MYH15: variants seen among roughly 807,000 people sequenced by gnomAD.
MYH15 encodes the protein myosin-15.
A neutral mutation model predicts 240.5 loss-of-function variants in MYH15; 227 were observed. That is an observed-to-expected ratio of 0.94 (90% CI 0.85 to 1.05). The LOEUF (loss-of-function observed/expected upper bound fraction) is 1.05. MYH15 is among the 50% of genes least tolerant of loss of function. MYH15 has a pLI of 0.00. For missense variants in MYH15, 2,217 were observed against 2,247.5 expected, an observed-to-expected ratio of 0.99 and a Z score of 0.27; for synonymous variants, 785 against 796.7, an observed-to-expected ratio of 0.99 and a Z score of 0.25.
chr3:108,412,078 T>C (rs760107850), intron 30 of MYH15, among the ~76,000 whole-genome samples: 66 of 152,228 alleles, frequency 4.3e-4, no homozygotes, highest in Non-Finnish European at 6.8e-4. Flanking sequence ...GTTGATAAAA[T>C]AGGAGTTTCA....
chr3:108,492,366 C>A, intron 9 of MYH15, 134 bp downstream of exon 9: 1 of 495,968 alleles, frequency 2.0e-6, no homozygotes. Flanking sequence ...GATTCAATTC[C>A]CTAAGTTTTA....
upstream of MYH15, among the ~76,000 whole-genome samples, chr3:108,533,552 C>A (rs1049686431): frequency 3.3e-5 from 5 of 152,106 alleles, no homozygotes; most frequent in African/African-American, 4.8e-5. Flanking sequence ...GATGATCAAC[C>A]AGGGAGAGAT....
intron 37 of MYH15, among the ~76,000 whole-genome samples, chr3:108,390,152 T>TG (rs200619202): frequency 4.4e-4 from 67 of 151,968 alleles, no homozygotes; most frequent in East Asian, 1.7e-3. Context: ...TTAAGAATTT[T>TG]GGGGGGGGAT....
At chr3:108,444,576 G>T (rs1301771438) in intron 22 of MYH15, 64 bp downstream of exon 22, 1 of 1,562,012 alleles carries the variant, frequency 6.4e-7, no homozygotes, top group Non-Finnish European at 8.7e-7. Flanking sequence ...TGTCAACACT[G>T]CCTGCTTAAC....
chr3:108,464,960 C>G, intron 14 of MYH15, 146 bp from the exon 15 acceptor site: 1 of 681,636 alleles, frequency 1.5e-6, no homozygotes, highest in Non-Finnish European at 2.3e-6. Flanking sequence ...ATCCATTCAA[C>G]AAATATTAAT....
chr3:108,485,890 T>C (rs964341461), intron 10 of MYH15, among the ~76,000 whole-genome samples: 1 of 152,220 alleles, frequency 6.6e-6, no homozygotes, highest in Non-Finnish European at 1.5e-5. Flanking sequence ...TACAGAGATA[T>C]TCACCTCAGT....
intron 17 of MYH15, 44 bp from the exon 18 acceptor site, chr3:108,459,493 A>T: frequency 8.3e-7 from 1 of 1,200,044 alleles, no homozygotes; most frequent in Non-Finnish European, 1.2e-6. Flanking sequence ...TTTGCAAATC[A>T]CTAAAAACAC....
intron 26 of MYH15, 130 bp from the exon 27 acceptor site, chr3:108,429,011 A>G: frequency 1.0e-6 from 1 of 966,908 alleles, no homozygotes. Flanking sequence ...CAGAATACAC[A>G]GAAGTTAAGT....
At position 108,447,805 on chromosome 3, in the gene MYH15, T is replaced by C. The variant is rs555650374; in HGVS notation, c.2400-2910A>G. On this transcript the variant is annotated intron_variant, in intron 21 of 40. Coordinates refer to ENST00000693548, the MANE Select transcript of MYH15 (RefSeq NM_014981.3). The stretch of plus-strand genomic sequence containing the variant: ...AGTGTAAAACTCACTGAAAAGAATA[T>C]AGTCAAATTCAGAATAATACTGTAA... 4.6e-5 allele frequency among the ~76,000 whole-genome samples: 7 copies of C among 152,252 alleles called. 1 individual carries two copies. Among genetic ancestry groups the C allele is most frequent in the African/African-American group, 1.2e-4 (5 of 41,568 alleles).
At chr3:108,466,791 T>C (rs1408638354) in intron 14 of MYH15, among the ~76,000 whole-genome samples, 1 of 152,116 alleles carries the variant, frequency 6.6e-6, no homozygotes, top group Non-Finnish European at 1.5e-5. Flanking sequence ...TGGTTCAAGG[T>C]GTCCCCCCTG....
chr3:108,394,787 A>G (rs993706046), intron 35 of MYH15, among the ~76,000 whole-genome samples: 7 of 152,132 alleles, frequency 4.6e-5, no homozygotes, highest in African/African-American at 1.7e-4. Flanking sequence ...TAGAGGCCAA[A>G]TATCCTTTTG....
intron 1 of MYH15, among the ~76,000 whole-genome samples, chr3:108,524,545 G>C (rs1254324825): frequency 6.6e-6 from 1 of 151,716 alleles, no homozygotes; most frequent in Non-Finnish European, 1.5e-5. Context: ...ATTTTTTACA[G>C]TTAAATATGC....
intron 21 of MYH15, among the ~76,000 whole-genome samples, chr3:108,446,932 T>A (rs555850316): frequency 4.0e-5 from 6 of 151,680 alleles, no homozygotes; most frequent in Non-Finnish European, 5.9e-5. Context: ...TTCAAAACAA[T>A]GATCTTAAAA....
chr3:108,520,269 T>C (rs185276141), intron 1 of MYH15, among the ~76,000 whole-genome samples: 5 of 152,322 alleles, frequency 3.3e-5, no homozygotes, highest in African/African-American at 7.2e-5. Context: ...GAATACACCA[T>C]CTTTTTCTTA....
intron 30 of MYH15, among the ~76,000 whole-genome samples, chr3:108,412,115 G>A (rs375592336): frequency 1.2e-4 from 19 of 152,300 alleles, no homozygotes; most frequent in South Asian, 6.2e-4. Flanking sequence ...ATACTGGACT[G>A]CCTGGGACTG....
chr3:108,399,158 C>G lies in MYH15; in HGVS notation c.4846G>C (p.Glu1616Gln). 6.2e-7 allele frequency: 1 copy of G among 1,614,228 alleles called. No homozygotes were observed. Among genetic ancestry groups the G allele is most frequent in the Non-Finnish European group, 8.5e-7 (1 of 1,180,032 alleles). ...GCACAGCTAAGCTGGAGTTCCATCTCATTGAGGTCCTCTTCCATCTTCTTC... is the reference window on the plus strand; with the variant it reads ...GCACAGCTAAGCTGGAGTTCCATCTGATTGAGGTCCTCTTCCATCTTCTTC... ...LKKKMEEDLN[E>Q]MELQLSCANR... The change falls in exon 34 of 41, where the codon GAG becomes CAG. Residue 1616 changes from glutamate (E) to glutamine (Q), a missense_variant. Transcript: ENST00000693548.
intron 33 of MYH15, among the ~76,000 whole-genome samples, chr3:108,401,739 G>A (rs998142755): frequency 3.3e-5 from 5 of 152,192 alleles, no homozygotes; most frequent in Admixed American, 3.3e-4. Context: ...AGTTGTTTAT[G>A]AAACTTCATG....
Position 108,410,434 on chromosome 3 carries a change from T to TA in MYH15, c.4495+148dup, listed in dbSNP as rs527424138. 3.3e-3 allele frequency: 1,478 copies of TA among 450,422 alleles called. 1 individual carries two copies. Among genetic ancestry groups the TA allele is most frequent in the South Asian group, 0.011 (182 of 16,876 alleles). 27.9% of individuals were successfully genotyped at this position (450,422 alleles called of 1,614,324 possible). On this transcript the variant is annotated intron_variant, in intron 31 of 40. Coordinates refer to ENST00000693548, the MANE Select transcript of MYH15 (RefSeq NM_014981.3). The stretch of plus-strand genomic sequence containing the variant: ...AATTTAATACAAACAGCATCTAAAG[T>TA]AAAAAAAAAATAAGTCAAACAGAAG...
intron 7 of MYH15, among the ~76,000 whole-genome samples, chr3:108,494,199 C>T (rs2083374506): frequency 1.3e-5 from 2 of 152,174 alleles, no homozygotes; most frequent in Admixed American, 1.3e-4. Context: ...CAAACTAGTA[C>T]ATTAAAATAT....
Sources: gnomAD v4.1 joint callset for allele counts (sites outside exome capture counted in the v4.1 genomes callset) on GRCh38, gnomAD v4.1.1 for gene constraint, MANE v1.5 for transcripts, NCBI Gene and HGNC (gene_info 2026-07-23, HGNC 2026-07-21) for gene names.